Variants in NBPF15 observed in about 807,000 individuals in gnomAD.
The protein encoded by NBPF15 is NBPF member 15.
A neutral mutation model predicts 62.2 loss-of-function variants in NBPF15; 74 were observed. The ratio of observed to expected loss-of-function variants is 1.19; its 90% CI spans 0.99 to 1.44. NBPF15 has a LOEUF of 1.44. NBPF15 is among the 40% of genes most tolerant of loss of function. NBPF15 has a pLI of 0.00. For synonymous variants in NBPF15, 244 were observed against 209.7 expected, an observed-to-expected ratio of 1.16 and a Z score of -1.41; for missense variants, 790 against 550.0, an observed-to-expected ratio of 1.44 and a Z score of -4.36.
At position 144,452,283 on chromosome 1, in the gene NBPF15, T is replaced by TA. The variant is rs782140373; in HGVS notation, c.-431-1414dup. On this transcript the variant is annotated intron_variant, in intron 4 of 21. Transcript: ENST00000581897. ...CTTGTGCTCACCAGACAAGGTTTGGTAAAAAATACCAGTCACCAGCACAGA... is the reference window on the plus strand; with the variant it reads ...CTTGTGCTCACCAGACAAGGTTTGGTAAAAAAATACCAGTCACCAGCACAGA... Among the ~76,000 whole-genome samples the TA allele has an allele frequency of 2.4e-4, 37 of 151,938 alleles. 1 individual carries two copies. The highest frequency in any genetic ancestry group is 4.1e-4 in the Non-Finnish European group (28 of 67,988).
In NBPF15 at chr1:144,440,278, A is replaced by C. The variant is rs1218665430; in HGVS notation, c.-173T>G. On this transcript the variant is annotated 5_prime_UTR_variant, in exon 7 of 22. Transcript: ENST00000581897. Reference sequence around the variant, plus strand: ...GATAAGAGTGAGGTAGATTGTGGCCAGCGTGCCAGGTAACCGTCTGCAGTT... The same window carrying C: ...GATAAGAGTGAGGTAGATTGTGGCCCGCGTGCCAGGTAACCGTCTGCAGTT... 2.0e-6 allele frequency: 3 copies of C among 1,490,450 alleles called. No homozygotes were observed. Among genetic ancestry groups the C allele is most frequent in the Non-Finnish European group, 2.7e-6 (3 of 1,113,338 alleles). 92.3% of individuals were successfully genotyped at this position (1,490,450 alleles called of 1,614,324 possible).
At chr1:144,445,763 C>T (rs1687053571) in intron 6 of NBPF15, among the ~76,000 whole-genome samples, 1 of 150,716 alleles carries the variant, frequency 6.6e-6, no homozygotes, top group South Asian at 2.1e-4. Flanking sequence ...CAAGGTTTAT[C>T]TCCCCACTAA....
At chr1:144,444,843 G>C (rs1181660420) in intron 6 of NBPF15, among the ~76,000 whole-genome samples, 2 of 151,916 alleles carry the variant, frequency 1.3e-5, no homozygotes, top group African/African-American at 4.8e-5. Flanking sequence ...AGGTTGGTCT[G>C]GAAACACACA....
In NBPF15 at chr1:144,432,173, G is replaced by T. The variant is rs1193859763; in HGVS notation, c.824+1600C>A. Among the ~76,000 whole-genome samples, 3 of 151,976 alleles carry T rather than the reference G, an allele frequency of 2.0e-5. 1 individual carries two copies. Among genetic ancestry groups the T allele is most frequent in the Non-Finnish European group, 4.4e-5 (3 of 67,968 alleles). ...GCATCTTCAACCTTCTTAAAGAAAA[G>T]AATTTTCAACCCAGAATTTCATATC... is the stretch of plus-strand genomic sequence containing the variant. On this transcript the variant is annotated intron_variant, in intron 13 of 21. Coordinates refer to ENST00000581897, the MANE Select transcript of NBPF15 (RefSeq NM_001385408.1).
chr1:144,450,461 G>A (rs1213014596), intron 5 of NBPF15, among the ~76,000 whole-genome samples: 2 of 151,998 alleles, frequency 1.3e-5, no homozygotes, highest in East Asian at 3.9e-4. Context: ...AACAAGAATA[G>A]GAACTCTTTC....
At chr1:144,432,592 C>T (rs1296313808) in intron 13 of NBPF15, among the ~76,000 whole-genome samples, 1 of 151,178 alleles carries the variant, frequency 6.6e-6, no homozygotes, top group African/African-American at 2.4e-5. Context: ...CACATAGGCT[C>T]AAAATAAAGG....
intron 20 of NBPF15, among the ~76,000 whole-genome samples, chr1:144,424,187 G>C (rs1405867866): frequency 6.6e-6 from 1 of 152,012 alleles, no homozygotes; most frequent in Non-Finnish European, 1.5e-5. Flanking sequence ...CCCTATTCTA[G>C]TAGATCGTTA....
intron 6 of NBPF15, among the ~76,000 whole-genome samples, chr1:144,445,318 T>A (rs1397635267): frequency 1.6e-4 from 20 of 128,036 alleles, no homozygotes; most frequent in Non-Finnish European, 2.6e-4. Context: ...GAGATGATAA[T>A]CTTCAAAACG....
chr1:144,451,708 C>G (rs1440519945), intron 4 of NBPF15, among the ~76,000 whole-genome samples: 1 of 151,244 alleles, frequency 6.6e-6, no homozygotes, highest in African/African-American at 2.4e-5. Context: ...TTGACACAGC[C>G]CATGTCTTAG....
At chr1:144,457,783 A>G (rs868910767) in intron 3 of NBPF15, among the ~76,000 whole-genome samples, 8 of 152,202 alleles carry the variant, frequency 5.3e-5, no homozygotes, top group Middle Eastern at 3.4e-3. Context: ...AATTAGAAAA[A>G]CATAAAAATT....
chr1:144,429,554 A>T, intron 14 of NBPF15, 146 bp downstream of exon 14: 1 of 606,534 alleles, frequency 1.6e-6, no homozygotes, highest in South Asian at 1.9e-5. Context: ...ACTCGACTCC[A>T]GAGTGATTGA....
chr1:144,428,719 T>C, intron 14 of NBPF15, 62 bp from the exon 15 acceptor site: 1 of 757,540 alleles, frequency 1.3e-6, no homozygotes, highest in Admixed American at 1.7e-5. Context: ...CACAGAAACA[T>C]TCCTCTGTCC....
chr1:144,435,000 A>G lies in NBPF15; in HGVS notation c.772+111T>C, dbSNP rs1271329763. Reference sequence around the variant, plus strand: ...AAAAACTCCCTGATATCTGTTTAGAAACCCATCACAGTTTTTTATTCAAAT... The same window carrying G: ...AAAAACTCCCTGATATCTGTTTAGAGACCCATCACAGTTTTTTATTCAAAT... On this transcript the variant is annotated intron_variant, in intron 12 of 21. Transcript: ENST00000581897. 2.6e-5 allele frequency: 42 copies of G among 1,595,214 alleles called. No individual in the cohort carries two copies. In the East Asian group the frequency reaches 9.2e-4, roughly 35 times the overall value.
chr1:144,452,076 C>A lies in NBPF15; in HGVS notation c.-431-1206G>T, dbSNP rs1344281562. On this transcript the variant is annotated intron_variant, in intron 4 of 21. Coordinates refer to ENST00000581897, the MANE Select transcript of NBPF15 (RefSeq NM_001385408.1). The stretch of plus-strand genomic sequence containing the variant: ...CTGAGGCAGGAGAATCACTTGAACT[C>A]AGGAGGTGGAGGTTGCAGTGAGCTG... 2.0e-5 allele frequency among the ~76,000 whole-genome samples: 3 copies of A among 151,588 alleles called. No homozygotes were observed. The East Asian group carries it at 5.8e-4, about 29-fold the overall frequency.
At chr1:144,456,964 A>T (rs1213016636) in intron 3 of NBPF15, among the ~76,000 whole-genome samples, 159 bp from the exon 4 acceptor site, 6 of 149,914 alleles carry the variant, frequency 4.0e-5, no homozygotes, top group Admixed American at 3.3e-4. Flanking sequence ...GTCATATGTA[A>T]TCAACAGTCC....
chr1:144,440,350 C>A, intron 6 of NBPF15, 55 bp from the exon 7 acceptor site: 1 of 1,034,988 alleles, frequency 9.7e-7, no homozygotes, highest in Non-Finnish European at 1.4e-6. Flanking sequence ...TCTTAGGAGC[C>A]CTGCATTCCA....
At chr1:144,450,204 A>G (rs1690202825) in intron 5 of NBPF15, among the ~76,000 whole-genome samples, 1 of 125,456 alleles carries the variant, frequency 8.0e-6, no homozygotes, top group Non-Finnish European at 1.6e-5. Flanking sequence ...TGCCAGTTAT[A>G]TGACTTTAAG....
At chr1:144,443,893 ACCCC>A (rs1685331480) in intron 6 of NBPF15, among the ~76,000 whole-genome samples, 1 of 150,570 alleles carries the variant, frequency 6.6e-6, no homozygotes, top group African/African-American at 2.4e-5. Context: ...AGTTTCTTGT[ACCCC>A]TTTGCAGTTC....
At chr1:144,447,085 C>T (rs1571152003) in intron 6 of NBPF15, among the ~76,000 whole-genome samples, 1 of 152,240 alleles carries the variant, frequency 6.6e-6, no homozygotes, top group Non-Finnish European at 1.5e-5. Context: ...ATCCCTCCCG[C>T]CTTGTCTCTA....
Sources: gnomAD v4.1 joint callset for allele counts (sites outside exome capture counted in the v4.1 genomes callset) on GRCh38, gnomAD v4.1.1 for gene constraint, MANE v1.5 for transcripts, NCBI Gene and HGNC (gene_info 2026-07-23, HGNC 2026-07-21) for gene names.